Variants in C13orf42 observed in about 807,000 individuals in gnomAD.
C13orf42 encodes uncharacterized protein C13orf42.
intron 1 of C13orf42, among the ~76,000 whole-genome samples, chr13:51,128,531 G>A (rs1235304878): frequency 1.3e-5 from 2 of 152,152 alleles, no homozygotes; most frequent in Non-Finnish European, 2.9e-5. Flanking sequence ...GACAGAATGG[G>A]CTAAAGGCCC....
chr13:51,168,506 A>G (rs1285955675), intron 1 of C13orf42, among the ~76,000 whole-genome samples: 1 of 152,236 alleles, frequency 6.6e-6, no homozygotes, highest in Non-Finnish European at 1.5e-5. Context: ...TTGCCCCATT[A>G]AAAGGAAAGG....
intron 1 of C13orf42, among the ~76,000 whole-genome samples, chr13:51,088,969 T>C (rs1467568799): frequency 6.6e-6 from 1 of 152,204 alleles, no homozygotes; most frequent in Non-Finnish European, 1.5e-5. Flanking sequence ...TCATGGTCTC[T>C]AGAACTGACC....
At chr13:51,151,372 A>C (rs1164960303) in intron 1 of C13orf42, among the ~76,000 whole-genome samples, 1 of 115,964 alleles carries the variant, frequency 8.6e-6, no homozygotes, top group African/African-American at 2.9e-5. Flanking sequence ...AAAGCTGGAA[A>C]AGGAAAAAAA....
intron 1 of C13orf42, among the ~76,000 whole-genome samples, chr13:51,124,067 A>G (rs1473285276): frequency 6.6e-6 from 1 of 152,158 alleles, no homozygotes; most frequent in African/African-American, 2.4e-5. Flanking sequence ...TGAACCTAGG[A>G]TCCACCTTTT....
At chr13:51,119,095 G>A (rs1223154971) in intron 1 of C13orf42, among the ~76,000 whole-genome samples, 1 of 152,034 alleles carries the variant, frequency 6.6e-6, no homozygotes, top group Non-Finnish European at 1.5e-5. Flanking sequence ...TGTATGGCAT[G>A]CCCTGGTGTA....
chr13:51,091,665 T>G (rs1953181494), intron 1 of C13orf42, among the ~76,000 whole-genome samples: 1 of 152,122 alleles, frequency 6.6e-6, no homozygotes, highest in Non-Finnish European at 1.5e-5. Context: ...ATTTAGACAA[T>G]TAAGTGATTC....
At chr13:51,105,696 T>C (rs1340904363) in intron 1 of C13orf42, among the ~76,000 whole-genome samples, 1 of 152,212 alleles carries the variant, frequency 6.6e-6, no homozygotes, top group East Asian at 1.9e-4. Flanking sequence ...GATCTGCATA[T>C]TATTTTGAGT....
chr13:51,139,977 C>G (rs546571287), intron 1 of C13orf42, among the ~76,000 whole-genome samples: 1 of 152,196 alleles, frequency 6.6e-6, no homozygotes, highest in Admixed American at 6.5e-5. Flanking sequence ...GATTGCGACC[C>G]TTTTTTGGTA....
chr13:51,090,790 C>T (rs938056299), intron 1 of C13orf42, among the ~76,000 whole-genome samples: 4 of 152,138 alleles, frequency 2.6e-5, no homozygotes, highest in Non-Finnish European at 5.9e-5. Context: ...AGCATCCGGC[C>T]ATTGGCTAGC....
chr13:51,134,359 T>TACCAA (rs1201261890), intron 1 of C13orf42, among the ~76,000 whole-genome samples: 3 of 152,208 alleles, frequency 2.0e-5, no homozygotes, highest in Admixed American at 2.0e-4. Context: ...AACTTGGCTT[T>TACCAA]GCCTTAACAC....
chr13:51,103,377 A>G (rs1953313244), intron 1 of C13orf42, among the ~76,000 whole-genome samples: 2 of 152,074 alleles, frequency 1.3e-5, no homozygotes, highest in Non-Finnish European at 2.9e-5. Flanking sequence ...TTCACCTCCC[A>G]TTGAAACCAA....
chr13:51,160,676 G>A (rs1439618549), intron 1 of C13orf42, among the ~76,000 whole-genome samples: 1 of 152,124 alleles, frequency 6.6e-6, no homozygotes, highest in Admixed American at 6.5e-5. Context: ...GGTACGAGAA[G>A]AGCATCCCTC....
At chr13:51,141,091 G>A (rs1953691850) in intron 1 of C13orf42, among the ~76,000 whole-genome samples, 2 of 93,562 alleles carry the variant, frequency 2.1e-5, no homozygotes, top group African/African-American at 8.3e-5. Context: ...TAACATCGAA[G>A]GGAGGTGTGT....
chr13:51,112,723 C>T (rs1275369229), upstream of C13orf42, among the ~76,000 whole-genome samples: 1 of 152,190 alleles, frequency 6.6e-6, no homozygotes, highest in Non-Finnish European at 1.5e-5. Context: ...CATCAATTCA[C>T]AGATGAAGAA....
rs114596916 is a variant in C13orf42, at chr13:51,117,656, G to T, written n.137-4434C>A. On this transcript the variant is annotated intron_variant and non_coding_transcript_variant, in intron 1 of 4. Transcript: ENST00000433280. The stretch of plus-strand genomic sequence containing the variant: ...TCCAGTATTTTTTTCACATTCTCCT[G>T]CACCTACCTCCTACTTACCACTCTT... Among the ~76,000 whole-genome samples, 404 of 152,110 alleles carry T rather than the reference G, an allele frequency of 2.7e-3. 2 individuals carry two copies. Among genetic ancestry groups the T allele is most frequent in the African/African-American group, 9.4e-3 (392 of 41,488 alleles).
intron 1 of C13orf42, among the ~76,000 whole-genome samples, chr13:51,106,758 C>T (rs1953360550): frequency 6.6e-6 from 1 of 152,140 alleles, no homozygotes; most frequent in South Asian, 2.1e-4. Context: ...CCTGTTGGTT[C>T]AGAGACTCTA....
At chr13:51,118,316 C>T (rs1233248365) in intron 1 of C13orf42, among the ~76,000 whole-genome samples, 6 of 152,338 alleles carry the variant, frequency 3.9e-5, no homozygotes, top group African/African-American at 1.4e-4. Context: ...TATTTATCCC[C>T]TGACAGGGAA....
rs3043870 is a variant in C13orf42, at chr13:51,141,095, GGTGTGTGTGTGTGTGTGT to G, written n.137-27891_137-27874del. Among the ~76,000 whole-genome samples the G allele has an allele frequency of 9.2e-4, 118 of 128,548 alleles. 1 individual carries two copies. The highest frequency in any genetic ancestry group is 3.2e-3 in the African/African-American group (107 of 33,862). 84.3% of individuals were successfully genotyped at this position (128,548 alleles called of 152,430 possible). A position where few individuals can be genotyped will look rare whatever the true frequency, so the allele number is the denominator to read the frequency against. ...AATTAAAAGGCTAACATCGAAGGGA[GGTGTGTGTGTGTGTGTGT>G]GTGTGTGTGTGTGTGTGTGTGTGTG... On this transcript the variant is annotated intron_variant and non_coding_transcript_variant, in intron 1 of 4. Coordinates refer to the C13orf42 transcript ENST00000433280.
chr13:51,103,949 G>A (rs1433935220), intron 1 of C13orf42, among the ~76,000 whole-genome samples: 1 of 152,100 alleles, frequency 6.6e-6, no homozygotes, highest in Non-Finnish European at 1.5e-5. Context: ...TTGTGGAGAT[G>A]GATGGTAGTG....
Sources: gnomAD v4.1 joint callset for allele counts (sites outside exome capture counted in the v4.1 genomes callset) on GRCh38, gnomAD v4.1.1 for gene constraint, MANE v1.5 for transcripts, NCBI Gene and HGNC (gene_info 2026-07-23, HGNC 2026-07-21) for gene names.